TSPAN15: variants seen among roughly 807,000 people sequenced by gnomAD.
TSPAN15 encodes the protein tetraspanin-15.
TSPAN15 carries 20 observed loss-of-function variants against 34.5 expected under a neutral mutation model. The ratio of observed to expected loss-of-function variants is 0.58; its 90% CI spans 0.41 to 0.84. The LOEUF (loss-of-function observed/expected upper bound fraction) is 0.84. Ranked by LOEUF, TSPAN15 falls within the 40% of genes least tolerant of loss-of-function variation. The pLI is 0.00. For synonymous variants in TSPAN15, 155 were observed against 153.9 expected, an observed-to-expected ratio of 1.01 and a Z score of -0.05; for missense variants, 313 against 386.1, an observed-to-expected ratio of 0.81 and a Z score of 1.59.
intron 4 of TSPAN15, 143 bp downstream of exon 4, chr10:69,495,832 T>A (rs926445359): frequency 3.2e-6 from 2 of 634,396 alleles, no homozygotes; most frequent in East Asian, 5.5e-5. Context: ...GAGGCAACAG[T>A]GAGCATGGAT....
Position 69,451,626 on chromosome 10 carries a change from A to AGAT in TSPAN15, c.32_33insGAT (p.Tyr11delinsTer). The AGAT allele has an allele frequency of 6.5e-7, 1 of 1,534,664 alleles. No individual in the cohort carries two copies. The highest frequency in any genetic ancestry group is 8.8e-7 in the Non-Finnish European group (1 of 1,138,712). On this transcript the variant is annotated stop_gained, in exon 1 of 8. Coordinates refer to ENST00000373290, the MANE Select transcript of TSPAN15 (RefSeq NM_012339.5). LOFTEE classifies it high-confidence loss of function. ...CGCGGGGACTCGGAGCAGGTGCGCT[A>AGAT]CTGCGCGCGCTTCTCCTACCTCTGG... is the stretch of plus-strand genomic sequence containing the variant.
chr10:69,479,052 T>TGGAC (rs1202933849), intron 1 of TSPAN15, among the ~76,000 whole-genome samples: 5 of 152,248 alleles, frequency 3.3e-5, no homozygotes, highest in Non-Finnish European at 7.3e-5. Flanking sequence ...TTCCATCCAT[T>TGGAC]GGACCATCAG....
chr10:69,457,550 G>A (rs535322850), intron 1 of TSPAN15, among the ~76,000 whole-genome samples: 2 of 152,294 alleles, frequency 1.3e-5, no homozygotes, highest in Admixed American at 6.5e-5. Flanking sequence ...GGCAAGTAGG[G>A]AGGAGCTGAG....
At chr10:69,526,823 C>T in the TSPAN15 span, among the ~76,000 whole-genome samples, 1 of 135,978 alleles carries the variant, frequency 7.4e-6, no homozygotes, top group Non-Finnish European at 1.6e-5. Flanking sequence ...CAGATTATAG[C>T]AAGCATTGGT....
the TSPAN15 span, among the ~76,000 whole-genome samples, chr10:69,539,464 G>GAAGAAGAAGAAGAAGA: frequency 1.4e-3 from 71 of 51,306 alleles, 3 homozygotes; most frequent in Non-Finnish European, 2.1e-3. Context: ...GAAGAAGAAG[G>GAAGAAGAAGAAGAAGA]AGAAGGAGAA....
chr10:69,479,536 G>T (rs1368682248), intron 1 of TSPAN15, among the ~76,000 whole-genome samples: 1 of 152,190 alleles, frequency 6.6e-6, no homozygotes, highest in East Asian at 1.9e-4. Context: ...CCCACCCCCA[G>T]CCCTGTTTAG....
the TSPAN15 span, among the ~76,000 whole-genome samples, chr10:69,518,404 T>C: frequency 2.3e-4 from 35 of 152,002 alleles, 2 homozygotes; most frequent in East Asian, 6.6e-3. Context: ...AAATAGAAGT[T>C]ATTAAAGAAG....
chr10:69,540,320 G>A, the TSPAN15 span, among the ~76,000 whole-genome samples: 34 of 152,308 alleles, frequency 2.2e-4, no homozygotes, highest in East Asian at 7.8e-4. Context: ...GTGTGAACTC[G>A]GGAGGCAAAG....
At chr10:69,473,342 C>G (rs1564603824) in intron 1 of TSPAN15, among the ~76,000 whole-genome samples, 1 of 152,164 alleles carries the variant, frequency 6.6e-6, no homozygotes, top group Admixed American at 6.5e-5. Flanking sequence ...GAAACTGTCT[C>G]CTTTCCAAGG....
At chr10:69,477,880 G>A (rs1246058529) in intron 1 of TSPAN15, among the ~76,000 whole-genome samples, 1 of 152,192 alleles carries the variant, frequency 6.6e-6, no homozygotes, top group Admixed American at 6.5e-5. Context: ...TTCCTTGGAT[G>A]TTTGAGGGGG....
At chr10:69,478,724 T>C (rs1841669030) in intron 1 of TSPAN15, among the ~76,000 whole-genome samples, 1 of 152,252 alleles carries the variant, frequency 6.6e-6, no homozygotes, top group Admixed American at 6.5e-5. Context: ...AAACCAGTTA[T>C]AGTAGGATAC....
chr10:69,510,234 T>C (rs904816917), downstream of TSPAN15, among the ~76,000 whole-genome samples: 5 of 152,366 alleles, frequency 3.3e-5, no homozygotes, highest in South Asian at 1.0e-3. Context: ...TTCCATTTGT[T>C]TGTGTCTTCT....
At chr10:69,470,685 G>A (rs1391676483) in intron 1 of TSPAN15, among the ~76,000 whole-genome samples, 1 of 152,140 alleles carries the variant, frequency 6.6e-6, no homozygotes, top group African/African-American at 2.4e-5. Context: ...CCAGGAGTCC[G>A]AGACCAGCCT....
chr10:69,544,785 C>G, the TSPAN15 span, among the ~76,000 whole-genome samples: 1 of 152,144 alleles, frequency 6.6e-6, no homozygotes, highest in South Asian at 2.1e-4. Context: ...GGGCCACAAG[C>G]GTGTCCAGTC....
chr10:69,482,195 T>C (rs1841748018), intron 1 of TSPAN15, among the ~76,000 whole-genome samples: 1 of 152,130 alleles, frequency 6.6e-6, no homozygotes, highest in African/African-American at 2.4e-5. Context: ...GTAAATAAAG[T>C]GGCCCTGAAG....
intron 3 of TSPAN15, among the ~76,000 whole-genome samples, chr10:69,488,241 T>G (rs1841896165): frequency 6.6e-6 from 1 of 152,078 alleles, no homozygotes; most frequent in South Asian, 2.1e-4. Context: ...TCTAATGTGA[T>G]ATGATTTTGT....
the TSPAN15 span, among the ~76,000 whole-genome samples, chr10:69,544,178 T>C: frequency 6.6e-6 from 1 of 152,198 alleles, no homozygotes; most frequent in African/African-American, 2.4e-5. Flanking sequence ...AGGCCCATTA[T>C]ACACTTTTTT....
intron 5 of TSPAN15, among the ~76,000 whole-genome samples, chr10:69,500,260 T>A (rs531069443): frequency 6.6e-6 from 1 of 152,256 alleles, no homozygotes; most frequent in East Asian, 1.9e-4. Flanking sequence ...CAGCCACATC[T>A]ATGAGGACAG....
At position 69,483,766 on chromosome 10, in the gene TSPAN15, G is replaced by A. The variant is rs1841788693; in HGVS notation, c.172G>A (p.Ala58Thr). Residue 58 changes from alanine (A) to threonine (T), a missense_variant, in exon 2 of 8, where the codon GCC becomes ACC. Transcript: ENST00000373290. ...ERQKYKTLES[A>T]FLAPAIILIL... ...GCAGAAATATAAAACCCTTGAAAGT[G>A]CCTTCCTGGCTCCAGCCATCATCCT... 1.2e-6 allele frequency: 2 copies of A among 1,614,074 alleles called. No homozygotes were observed. The highest frequency in any genetic ancestry group is 1.7e-6 in the Non-Finnish European group (2 of 1,180,058).
Sources: allele counts gnomAD v4.1 joint callset (sites outside exome capture counted in the v4.1 genomes callset), GRCh38; gene constraint gnomAD v4.1.1; transcripts MANE v1.5; gene names NCBI Gene and HGNC (gene_info 2026-07-23, HGNC 2026-07-21).